SENP3: variants seen among roughly 807,000 people sequenced by gnomAD.
The protein encoded by SENP3 is SUMO specific peptidase 3, also known as sentrin-specific protease 3.
SENP3 carries 11 observed loss-of-function variants against 66.2 expected under a neutral mutation model. The ratio of observed to expected loss-of-function variants is 0.17; its 90% CI spans 0.10 to 0.28. SENP3 has a LOEUF of 0.28. Among genes scored for constraint, SENP3 ranks in the 10% least tolerant of loss-of-function variants. The pLI is 1.00. For synonymous variants in SENP3, 292 were observed against 277.6 expected (o/e 1.05, Z -0.52); for missense variants, 548 against 743.7 (o/e 0.74, Z 3.06).
intron 3 of SENP3, 28 bp from the exon 4 acceptor site, chr17:7,564,931 C>T (rs2071256199): frequency 6.2e-7 from 1 of 1,609,536 alleles, no homozygotes; most frequent in Non-Finnish European, 8.5e-7. Context: ...CTGGAGGCCT[C>T]ACCCCCTCCT....
intron 7 of SENP3, among the ~76,000 whole-genome samples, chr17:7,567,545 G>A (rs1350030901): frequency 6.6e-6 from 1 of 151,790 alleles, no homozygotes; most frequent in Non-Finnish European, 1.5e-5. Flanking sequence ...TCACAGTAAT[G>A]TCATAGCGTG....
chr17:7,571,278 A>T (rs1180235888), intron 10 of SENP3, 95 bp from the exon 11 acceptor site: 1 of 920,948 alleles, frequency 1.1e-6, no homozygotes, highest in Non-Finnish European at 1.7e-6. Flanking sequence ...CCCTTTGGGG[A>T]TGTTCTCTGA....
rs2071327675 is a variant in SENP3 at position 7,571,904 on chromosome 17, TATATAA to T, written c.*423_*428del. ...ATATATATATATATATATATATATA[TATATAA>T]AAATATATAAATGCCACGGTCCTGC... On this transcript the variant is annotated 3_prime_UTR_variant, in exon 11 of 11. Transcript: ENST00000321337. The T allele has an allele frequency of 7.1e-3, 98 of 13,718 alleles. 15 individuals carry two copies. The highest frequency in any genetic ancestry group is 0.011 in the Non-Finnish European group (68 of 6,100). 0.8% of individuals were successfully genotyped at this position (13,718 alleles called of 1,614,324 possible). A position where few individuals can be genotyped will look rare whatever the true frequency, so the allele number is the denominator to read the frequency against.
Position 7,563,711 on chromosome 17 carries a change from C to T in SENP3, c.635C>T (p.Ser212Phe), listed in dbSNP as rs1356222284. Residue 212 changes from serine to phenylalanine, a missense_variant, in exon 2 of 11, where the codon TCT becomes TTT. Transcript: ENST00000321337. Reference sequence around the variant, plus strand: ...ATGGCTGAGGATGGGGTGAGAGGGTCTCCACCAGTGCCCTCTGGGCCCCCC... The same window carrying T: ...ATGGCTGAGGATGGGGTGAGAGGGTTTCCACCAGTGCCCTCTGGGCCCCCC... ...ALMAEDGVRG[S>F]PPVPSGPPME... 6.2e-7 allele frequency: 1 copy of T among 1,612,792 alleles called. No individual in the cohort carries two copies. The highest frequency in any genetic ancestry group is 1.3e-5 in the African/African-American group (1 of 74,896).
In SENP3 at chr17:7,565,607, C is replaced by CA. The variant is rs754781096; in HGVS notation, c.1215+21dup. 25 of 1,613,592 alleles carry CA rather than the reference C, an allele frequency of 1.5e-5. No individual in the cohort carries two copies. The highest frequency in any genetic ancestry group is 2.1e-5 in the Non-Finnish European group (25 of 1,179,772). ...GACCAGGTGAGAAAGGGTAGAGAAA[C>CA]AGGCCTGAGAGGGGATTCAGGGAGC... On this transcript the variant is annotated intron_variant, in intron 5 of 10. Coordinates refer to ENST00000321337, the MANE Select transcript of SENP3 (RefSeq NM_015670.6).
Position 7,563,380 on chromosome 17 carries a change from T to C in SENP3, c.304T>C (p.Trp102Arg). 6.4e-7 allele frequency: 1 copy of C among 1,551,198 alleles called. No individual in the cohort carries two copies. Among genetic ancestry groups the C allele is most frequent in the Non-Finnish European group, 8.7e-7 (1 of 1,146,982 alleles). Residue 102 changes from tryptophan to arginine, a missense_variant, in exon 2 of 11, where the codon TGG (tryptophan) becomes CGG (arginine). Coordinates refer to ENST00000321337, the MANE Select transcript of SENP3 (RefSeq NM_015670.6). ...GGCAGCTTGGAGGCTGCCCCCAAGATGGAGTCAGCTGGGAACCTCCCAGCG... is the reference window on the plus strand; with the variant it reads ...GGCAGCTTGGAGGCTGCCCCCAAGACGGAGTCAGCTGGGAACCTCCCAGCG... ...EVAAWRLPPR[W>R]SQLGTSQRPR...
intron 7 of SENP3, among the ~76,000 whole-genome samples, chr17:7,567,229 C>T (rs1457930862): frequency 1.3e-5 from 2 of 152,144 alleles, no homozygotes; most frequent in South Asian, 2.1e-4. Flanking sequence ...CACAGAGTAA[C>T]GTGAGGCTGG....
rs888562917 is a variant in SENP3, at chr17:7,562,407, G to A, written c.-12+144G>A. On this transcript the variant is annotated intron_variant, in intron 1 of 10. Transcript: ENST00000321337. The surrounding 1 kb of genome is among the most constrained non-coding windows in gnomAD (Gnocchi z 5.0). ...CCGAGCCATCCAAGCTCGTGGGACCGGACTGGTGCCGGGTTGCATTCTGGT... is the reference window on the plus strand; with the variant it reads ...CCGAGCCATCCAAGCTCGTGGGACCAGACTGGTGCCGGGTTGCATTCTGGT... 1.9e-4 allele frequency: 74 copies of A among 395,520 alleles called. No homozygotes were observed. Among genetic ancestry groups the A allele is most frequent in the South Asian group, 1.4e-4 (1 of 7,024 alleles). 24.5% of individuals were successfully genotyped at this position (395,520 alleles called of 1,614,324 possible).
At chr17:7,565,932 T>G in intron 6 of SENP3, 168 bp downstream of exon 6, 1 of 610,392 alleles carries the variant, frequency 1.6e-6, no homozygotes, top group Non-Finnish European at 2.9e-6. Context: ...GGCTCTGGAT[T>G]TATCAGTTGT....
At chr17:7,566,040 A>G (rs567029813) in intron 6 of SENP3, 72 of 297,476 alleles carry the variant, frequency 2.4e-4, no homozygotes, top group African/African-American at 1.4e-3. Context: ...ATTTAAAAAA[A>G]AAAAGAAAAA....
At chr17:7,566,669 T>A (rs375784139) in intron 6 of SENP3, among the ~76,000 whole-genome samples, 611 of 135,572 alleles carry the variant, frequency 4.5e-3, no homozygotes, top group East Asian at 5.0e-3. Flanking sequence ...CTGCCTCAAA[T>A]AAAAAAAAAA....
chr17:7,569,975 TGAGGTATA>T (rs2071299804), intron 7 of SENP3, among the ~76,000 whole-genome samples: 1 of 152,200 alleles, frequency 6.6e-6, no homozygotes, highest in Non-Finnish European at 1.5e-5. Context: ...ATAAGGAAAC[TGAGGTATA>T]GAAGGTTATT....
rs549755749 is a variant in SENP3, at chr17:7,562,456, G to T, written c.-12+193G>T. Among the ~76,000 whole-genome samples, 1 of 152,258 alleles carries T rather than the reference G, an allele frequency of 6.6e-6. No individual in the cohort carries two copies. The highest frequency in any genetic ancestry group is 2.4e-5 in the African/African-American group (1 of 41,470). The stretch of plus-strand genomic sequence containing the variant: ...GTCCCCGAGGATGAAGTAGGAGGGG[G>T]CTGGGCCGGCCTGGCTTGTGCGCTC... On this transcript the variant is annotated intron_variant, in intron 1 of 10. Transcript: ENST00000321337. The surrounding 1 kb of genome is among the most constrained non-coding windows in gnomAD (Gnocchi z 5.0).
rs58537439 is a variant in SENP3 at position 7,571,837 on chromosome 17, TTATATATATATATATATATATATATATA to T, written c.*399_*426del. 77 of 30,488 alleles carry T rather than the reference TTATATATATATATATATATATATATATA, an allele frequency of 2.5e-3. 1 individual carries two copies. The highest frequency in any genetic ancestry group is 3.2e-3 in the South Asian group (2 of 620). 1.9% of individuals were successfully genotyped at this position (30,488 alleles called of 1,614,324 possible). On this transcript the variant is annotated 3_prime_UTR_variant, in exon 11 of 11. Coordinates refer to ENST00000321337, the MANE Select transcript of SENP3 (RefSeq NM_015670.6). ...CACTGCCTGCCAGATCTTCAAACTT[TTATATATATATATATATATATATATATA>T]TATATATATATATATATATATATAT...
At chr17:7,564,254 T>C (rs1326897541) in intron 2 of SENP3, 2 of 406,684 alleles carry the variant, frequency 4.9e-6, no homozygotes, top group Non-Finnish European at 9.3e-6. Context: ...GCCAAACAGT[T>C]TCAGGCTCTC....
In SENP3 at chr17:7,570,744, T is replaced by A. The variant is rs9972914; in HGVS notation, c.1543T>A (p.Trp515Arg). The A allele has an allele frequency of 6.2e-7, 1 of 1,612,142 alleles. No individual in the cohort carries two copies. The highest frequency in any genetic ancestry group is 1.1e-5 in the South Asian group (1 of 90,688). ...AGACCGACTGGATTTCCACCAGGGC[T>A]GGAAAGGTTACTTCAAAATGGTGAG... ...KKDRLDFHQG[W>R]KGYFKMNVAR... is the part of the protein sequence containing the mutation. The change falls in exon 9 of 11, where the codon TGG (tryptophan) becomes AGG (arginine). Residue 515 changes from tryptophan to arginine, a missense_variant. Physicochemically the swap from Trp to Arg is moderately radical, Grantham distance 101 (BLOSUM62 -3). Transcript: ENST00000321337. This position sits in a 1 kb window ranked among gnomAD's most constrained non-coding sequence, Gnocchi z 5.4.
At chr17:7,565,973 G>T in intron 6 of SENP3, 1 of 529,248 alleles carries the variant, frequency 1.9e-6, no homozygotes, top group Non-Finnish European at 3.4e-6. Flanking sequence ...AGTGTTTTTC[G>T]CTATGGCCAG....
In SENP3 at chr17:7,570,835, C is replaced by T. The variant is rs766770744; in HGVS notation, c.1564-48C>T. 5 of 1,605,190 alleles carry T rather than the reference C, an allele frequency of 3.1e-6. No homozygotes were observed. The highest frequency in any genetic ancestry group is 1.1e-5 in the South Asian group (1 of 90,034). On this transcript the variant is annotated intron_variant, in intron 9 of 10. Transcript: ENST00000321337. This position sits in a 1 kb window ranked among gnomAD's most constrained non-coding sequence, Gnocchi z 5.4. ...GTAGAAGGCAGAAATTGAAGTCCTACCCCTGGGAGTCTCCATGTGAAGGGC... is the reference window on the plus strand; with the variant it reads ...GTAGAAGGCAGAAATTGAAGTCCTATCCCTGGGAGTCTCCATGTGAAGGGC...
chr17:7,565,572 C>T lies in SENP3; in HGVS notation c.1200C>T (p.Asn400=). Residue 400 remains asparagine (N), a synonymous_variant, in exon 5 of 11, where the codon AAC becomes AAT. Coordinates refer to ENST00000321337, the MANE Select transcript of SENP3 (RefSeq NM_015670.6). ...ACTTGGGGACCTTGTATGGACAGAA[C>T]TGGCTCAATGACCAGGTGAGAAAGG... ...MDDLGTLYGQ[N]WLNDQVMNMY... is the part of the protein sequence containing the mutation. 6.2e-7 allele frequency: 1 copy of T among 1,613,920 alleles called. No individual in the cohort carries two copies. The highest frequency in any genetic ancestry group is 2.2e-5 in the East Asian group (1 of 44,876).
Sources: allele counts gnomAD v4.1 joint callset (sites outside exome capture counted in the v4.1 genomes callset), GRCh38; gene constraint gnomAD v4.1.1; non-coding constraint Gnocchi (gnomAD v3.1); transcripts MANE v1.5; gene names NCBI Gene and HGNC (gene_info 2026-07-23, HGNC 2026-07-21).